DPF3: variants seen among roughly 807,000 people sequenced by gnomAD.
The protein encoded by DPF3 is zinc finger protein DPF3.
DPF3 carries 18 observed loss-of-function variants against 56.8 expected under a neutral mutation model. The ratio of observed to expected loss-of-function variants is 0.32; its 90% confidence interval spans 0.22 to 0.47. DPF3 has a LOEUF of 0.47. Among genes scored for constraint, DPF3 ranks in the 20% least tolerant of loss-of-function variants. The pLI, the probability that DPF3 is intolerant of heterozygous loss-of-function variation, is 1.00. For missense variants in DPF3, 403 were observed against 488.8 expected (o/e 0.82, Z 1.65); for synonymous variants, 188 against 180.2 (o/e 1.04, Z -0.35).
chr14:72,834,894 A>C (rs1884225385), intron 1 of DPF3, among the ~76,000 whole-genome samples: 1 of 152,206 alleles, frequency 6.6e-6, no homozygotes, highest in Non-Finnish European at 1.5e-5. Context: ...TGAAACATGC[A>C]ACAACATGGC....
intron 1 of DPF3, among the ~76,000 whole-genome samples, chr14:72,838,322 T>C (rs933895098): frequency 1.1e-4 from 16 of 151,784 alleles, no homozygotes; most frequent in African/African-American, 3.9e-4. Context: ...GGTGAAACTT[T>C]GTCTCTACTA....
At chr14:72,728,553 GTT>G (rs1169924904) in intron 4 of DPF3, among the ~76,000 whole-genome samples, 1 of 152,166 alleles carries the variant, frequency 6.6e-6, no homozygotes, top group African/African-American at 2.4e-5. Flanking sequence ...GGAAACAACA[GTT>G]TTTTAGCAGA....
intron 1 of DPF3, among the ~76,000 whole-genome samples, chr14:72,779,712 A>G (rs1891891251): frequency 1.3e-5 from 2 of 152,276 alleles, no homozygotes; most frequent in South Asian, 2.1e-4. Flanking sequence ...CAGACATAAA[A>G]GTCTGCAATC....
chr14:72,619,190 C>T lies in DPF3; in HGVS notation c.*107G>A. 8.8e-7 allele frequency: 1 copy of T among 1,133,082 alleles called. No individual in the cohort carries two copies. The highest frequency in any genetic ancestry group is 1.2e-6 in the Non-Finnish European group (1 of 806,712). The allele number at this position is 1,133,082 out of a possible 1,614,324, so 70.2% of individuals were successfully genotyped here. Reference sequence around the variant, plus strand: ...CTGCCCCTCTGGGACTATTTCTTTTCCTTGCAGTTGGTCTGGCTGGATATG... The same window carrying T: ...CTGCCCCTCTGGGACTATTTCTTTTTCTTGCAGTTGGTCTGGCTGGATATG... On this transcript the variant is annotated 3_prime_UTR_variant, in exon 11 of 11. Coordinates refer to ENST00000556509, the MANE Select transcript of DPF3 (RefSeq NM_001280542.3).
At chr14:72,661,726 C>T in intron 8 of DPF3, 1 of 985,462 alleles carries the variant, frequency 1.0e-6, no homozygotes, top group Non-Finnish European at 1.2e-6. Flanking sequence ...GCCTTCCTAG[C>T]CCTTGGGGAC....
At chr14:72,791,735 A>AGGTTC (rs1892440244) in intron 1 of DPF3, among the ~76,000 whole-genome samples, 1 of 152,238 alleles carries the variant, frequency 6.6e-6, no homozygotes, top group South Asian at 2.1e-4. Context: ...CGAGAAAAAC[A>AGGTTC]AGTTCACAGA....
intron 1 of DPF3, among the ~76,000 whole-genome samples, chr14:72,799,056 G>A (rs1892757985): frequency 1.3e-5 from 2 of 152,162 alleles, no homozygotes; most frequent in African/African-American, 4.8e-5. Flanking sequence ...TGAATGATGG[G>A]GCTGGACAGA....
rs1185108297 is a variant in DPF3 at position 72,609,573 on chromosome 14, C to A, written c.*9724G>T. 6.6e-6 allele frequency among the ~76,000 whole-genome samples: 1 copy of A among 152,168 alleles called. No individual in the cohort carries two copies. Among genetic ancestry groups the A allele is most frequent in the Non-Finnish European group, 1.5e-5 (1 of 68,030 alleles). On this transcript the variant is annotated 3_prime_UTR_variant, in exon 11 of 11. Transcript: ENST00000556509. The stretch of plus-strand genomic sequence containing the variant: ...TAGGCAGGGCAGAAACATCACAGCA[C>A]TTCACGTTAGGAACCACGAAAGAGT...
rs920159050 is a variant in DPF3, at chr14:72,618,561, G to A, written c.*736C>T. Among the ~76,000 whole-genome samples, 1 of 152,164 alleles carries A rather than the reference G, an allele frequency of 6.6e-6. No homozygotes were observed. Among genetic ancestry groups the A allele is most frequent in the African/African-American group, 2.4e-5 (1 of 41,434 alleles). ...CCTGGCCTCTTGCAAAGTCTCTCCCGATGGATAACAAGTACTGACTGGCTA... is the reference window on the plus strand; with the variant it reads ...CCTGGCCTCTTGCAAAGTCTCTCCCAATGGATAACAAGTACTGACTGGCTA... On this transcript the variant is annotated 3_prime_UTR_variant, in exon 11 of 11. Transcript: ENST00000556509.
intron 1 of DPF3, among the ~76,000 whole-genome samples, chr14:72,785,523 C>T (rs1892175641): frequency 6.6e-6 from 1 of 152,180 alleles, no homozygotes; most frequent in Non-Finnish European, 1.5e-5. Flanking sequence ...ATGAGTTTTG[C>T]CTCCAGAACT....
At chr14:72,642,243 T>C (rs1005150804) in intron 8 of DPF3, among the ~76,000 whole-genome samples, 2 of 152,226 alleles carry the variant, frequency 1.3e-5, no homozygotes, top group African/African-American at 4.8e-5. Context: ...AGATAATAAA[T>C]GTTTGCAGTT....
intron 1 of DPF3, among the ~76,000 whole-genome samples, chr14:72,812,997 C>T (rs900815522): frequency 3.3e-5 from 5 of 152,132 alleles, no homozygotes; most frequent in Admixed American, 6.5e-5. Flanking sequence ...CCCAGACACA[C>T]CGCATCGCCT....
intron 1 of DPF3, among the ~76,000 whole-genome samples, chr14:72,864,712 G>A (rs1293908606): frequency 4.0e-5 from 6 of 149,808 alleles, no homozygotes; most frequent in African/African-American, 1.5e-4. Flanking sequence ...ATGGATGGAT[G>A]GATTCTATAA....
At chr14:72,656,324 T>A (rs1886061576) in intron 8 of DPF3, among the ~76,000 whole-genome samples, 1 of 152,222 alleles carries the variant, frequency 6.6e-6, no homozygotes, top group African/African-American at 2.4e-5. Flanking sequence ...TAACGCAGCT[T>A]GGTTATCATG....
chr14:72,740,242 T>C (rs945501331), intron 3 of DPF3, among the ~76,000 whole-genome samples: 2 of 152,196 alleles, frequency 1.3e-5, no homozygotes, highest in Non-Finnish European at 2.9e-5. Context: ...TGCAAGAATG[T>C]TGGCGTCCAC....
intron 8 of DPF3, among the ~76,000 whole-genome samples, chr14:72,631,141 G>A (rs1293098840): frequency 6.6e-6 from 1 of 152,158 alleles, no homozygotes; most frequent in Non-Finnish European, 1.5e-5. Flanking sequence ...GAGGGCGAGG[G>A]GTGTAGAAAT....
At chr14:72,703,729 G>A (rs1888283293) in intron 6 of DPF3, among the ~76,000 whole-genome samples, 1 of 152,148 alleles carries the variant, frequency 6.6e-6, no homozygotes, top group South Asian at 2.1e-4. Context: ...CATGGGGGAG[G>A]TGTGAGAACT....
At chr14:72,654,197 G>A (rs1886001910) in intron 8 of DPF3, among the ~76,000 whole-genome samples, 1 of 152,072 alleles carries the variant, frequency 6.6e-6, no homozygotes, top group Non-Finnish European at 1.5e-5. Flanking sequence ...CCCCCCAGCA[G>A]CCTGGGATCT....
At chr14:72,685,869 G>A (rs370191383) in intron 7 of DPF3, among the ~76,000 whole-genome samples, 2 of 152,218 alleles carry the variant, frequency 1.3e-5, no homozygotes, top group South Asian at 2.1e-4. Flanking sequence ...CAAGAGACAC[G>A]TGGAGCCCCA....
Sources: allele counts gnomAD v4.1 joint callset (sites outside exome capture counted in the v4.1 genomes callset), GRCh38; gene constraint gnomAD v4.1.1; transcripts MANE v1.5; gene names NCBI Gene and HGNC (gene_info 2026-07-23, HGNC 2026-07-21).